Variants in CACNA1D observed in about 807,000 individuals in gnomAD.
CACNA1D encodes voltage-dependent L-type calcium channel subunit alpha-1D.
CACNA1D carries 55 observed loss-of-function variants against 257.1 expected under a neutral mutation model. The ratio of observed to expected loss-of-function variants is 0.21; its 90% CI spans 0.17 to 0.27. The LOEUF is 0.27. Among genes scored for constraint, CACNA1D ranks in the 10% least tolerant of loss-of-function variants. The pLI is 1.00. For synonymous variants in CACNA1D, 980 were observed against 1,014.9 expected, an observed-to-expected ratio of 0.97 and a Z score of 0.65; for missense variants, 1,876 against 2,784.0, an observed-to-expected ratio of 0.67 and a Z score of 7.34.
intron 3 of CACNA1D, among the ~76,000 whole-genome samples, chr3:53,519,527 C>T (rs2091471184): frequency 6.6e-6 from 1 of 152,156 alleles, no homozygotes; most frequent in Admixed American, 6.5e-5. Context: ...ATAATCAGCA[C>T]TGGTCACTGG....
rs149464930 is a variant in CACNA1D at position 53,496,221 on chromosome 3, G to A, written c.68-931G>A. 3.3e-5 allele frequency among the ~76,000 whole-genome samples: 5 copies of A among 152,328 alleles called. No individual in the cohort carries two copies. In the South Asian group the frequency reaches 8.3e-4, roughly 25 times the overall value. On this transcript the variant is annotated intron_variant, in intron 1 of 47. Transcript: ENST00000350061. ...CAGTGAGGAGACTGTGGCGGAAGGC[G>A]GCAGGTGCCTGGGAGATCTGCCTGG...
intron 8 of CACNA1D, among the ~76,000 whole-genome samples, chr3:53,690,307 T>C (rs1460161345): frequency 6.6e-5 from 10 of 152,202 alleles, no homozygotes; most frequent in Admixed American, 6.5e-4. Flanking sequence ...TTTGTCGTTT[T>C]TGTTTTTGTT....
At chr3:53,515,920 GCTCT>G (rs961575198) in intron 3 of CACNA1D, among the ~76,000 whole-genome samples, 3 of 152,062 alleles carry the variant, frequency 2.0e-5, no homozygotes, top group African/African-American at 4.8e-5. Context: ...CCCTGCTCTG[GCTCT>G]CTCTCTCTTC....
At chr3:53,734,202 G>A (rs185076107) in intron 19 of CACNA1D, among the ~76,000 whole-genome samples, 1 of 151,266 alleles carries the variant, frequency 6.6e-6, no homozygotes. Context: ...AGGACTTGAA[G>A]TGAGGGGTCG....
intron 20 of CACNA1D, among the ~76,000 whole-genome samples, chr3:53,736,522 C>A (rs757076432): frequency 6.6e-6 from 1 of 152,168 alleles, no homozygotes; most frequent in Non-Finnish European, 1.5e-5. Context: ...CCAGGCAGAG[C>A]CACTTGGACC....
intron 3 of CACNA1D, among the ~76,000 whole-genome samples, chr3:53,597,422 G>C (rs1236494597): frequency 6.6e-6 from 1 of 152,238 alleles, no homozygotes; most frequent in Non-Finnish European, 1.5e-5. Flanking sequence ...CCAGGAGGTA[G>C]TGGAGTGGGG....
intron 20 of CACNA1D, among the ~76,000 whole-genome samples, chr3:53,737,233 T>C (rs899908122): frequency 6.6e-6 from 1 of 152,166 alleles, no homozygotes; most frequent in Non-Finnish European, 1.5e-5. Flanking sequence ...ATCGCACCAC[T>C]GCACTCCAGC....
intron 4 of CACNA1D, 51 bp downstream of exon 4, chr3:53,650,969 A>C: frequency 2.4e-5 from 27 of 1,122,536 alleles, no homozygotes; most frequent in Non-Finnish European, 3.4e-5. Context: ...TGGGAGGTGG[A>C]GGTTGGGGGG....
chr3:53,745,966 C>T (rs887838565), intron 25 of CACNA1D, 91 bp downstream of exon 25: 10 of 1,031,148 alleles, frequency 9.7e-6, no homozygotes, highest in African/African-American at 3.1e-5. Flanking sequence ...AAGTTTTGGT[C>T]GTGAAATAAA....
At chr3:53,647,492 T>A (rs1192076349) in intron 3 of CACNA1D, among the ~76,000 whole-genome samples, 1 of 152,246 alleles carries the variant, frequency 6.6e-6, no homozygotes, top group Non-Finnish European at 1.5e-5. Flanking sequence ...CCATCAGTCG[T>A]GGCCACAGAC....
chr3:53,793,235 C>A lies in CACNA1D; in HGVS notation c.4923+6283C>A, dbSNP rs970709427. On this transcript the variant is annotated intron_variant, in intron 40 of 47. Transcript: ENST00000350061. This position sits in a 1 kb window ranked among gnomAD's most constrained non-coding sequence, Gnocchi z 4.1. ...GAGCCTCCAGGACCCTGCTGTGATC[C>A]AAAGGCCCACTTCTGCTCTGATTGG... Among the ~76,000 whole-genome samples, 1 of 152,184 alleles carries A rather than the reference C, an allele frequency of 6.6e-6. No homozygotes were observed. The highest frequency in any genetic ancestry group is 2.1e-4 in the South Asian group (1 of 4,820).
chr3:53,701,996 A>C (rs747343542), intron 8 of CACNA1D, among the ~76,000 whole-genome samples: 1 of 152,052 alleles, frequency 6.6e-6, no homozygotes, highest in Non-Finnish European at 1.5e-5. Flanking sequence ...ATGCTTCATC[A>C]GTGCTCGAGT....
At chr3:53,566,997 G>C (rs2092854805) in intron 3 of CACNA1D, among the ~76,000 whole-genome samples, 1 of 152,210 alleles carries the variant, frequency 6.6e-6, no homozygotes, top group African/African-American at 2.4e-5. Context: ...CTCCCCAAGG[G>C]GAGCAGCAGA....
chr3:53,603,026 A>G (rs1296954497), intron 3 of CACNA1D, among the ~76,000 whole-genome samples: 1 of 152,214 alleles, frequency 6.6e-6, no homozygotes, highest in Non-Finnish European at 1.5e-5. Context: ...GGATGTTGTC[A>G]TATGCTGGGC....
chr3:53,649,699 C>T (rs2094067364), intron 3 of CACNA1D, among the ~76,000 whole-genome samples: 1 of 152,170 alleles, frequency 6.6e-6, no homozygotes, highest in South Asian at 2.1e-4. Context: ...ACCTCCATTT[C>T]TCTAAGGTAT....
chr3:53,589,276 A>G (rs1374058813), intron 3 of CACNA1D, among the ~76,000 whole-genome samples: 1 of 152,150 alleles, frequency 6.6e-6, no homozygotes, highest in Non-Finnish European at 1.5e-5. Context: ...ACACGTGTCA[A>G]ATGTGGGCCT....
intron 30 of CACNA1D, among the ~76,000 whole-genome samples, chr3:53,767,084 C>A (rs567202227): frequency 4.1e-4 from 63 of 152,292 alleles, no homozygotes; most frequent in African/African-American, 1.4e-3. Flanking sequence ...CAGAAAGAAC[C>A]CACTGTTCAG....
At chr3:53,547,743 C>T (rs1325231009) in intron 3 of CACNA1D, among the ~76,000 whole-genome samples, 2 of 152,204 alleles carry the variant, frequency 1.3e-5, no homozygotes, top group African/African-American at 4.8e-5. Context: ...TGCTGACTGT[C>T]ATGACCCAAC....
chr3:53,807,241 T>C (rs951122334), intron 45 of CACNA1D, among the ~76,000 whole-genome samples: 4 of 152,192 alleles, frequency 2.6e-5, no homozygotes, highest in African/African-American at 4.8e-5. Flanking sequence ...GCCCGGCCAT[T>C]CGATCTGGAA....
Sources: gnomAD v4.1 joint callset for allele counts (sites outside exome capture counted in the v4.1 genomes callset) on GRCh38, gnomAD v4.1.1 for gene constraint, Gnocchi (gnomAD v3.1) non-coding constraint, MANE v1.5 for transcripts, NCBI Gene and HGNC (gene_info 2026-07-23, HGNC 2026-07-21) for gene names.